CAMK2G: variants seen among roughly 807,000 people sequenced by gnomAD.
CAMK2G encodes the protein calcium/calmodulin dependent protein kinase II gamma.
A neutral mutation model predicts 88.7 loss-of-function variants in CAMK2G; 23 were observed. The observed-to-expected ratio is 0.26, with a 90% CI of 0.19 to 0.37. The LOEUF (loss-of-function observed/expected upper bound fraction) is 0.37. Ranked by LOEUF, CAMK2G falls within the 10% of genes least tolerant of loss-of-function variation. The pLI is 1.00. For missense variants in CAMK2G, 476 were observed against 780.8 expected (o/e 0.61, Z 4.65); for synonymous variants, 263 against 294.8 (o/e 0.89, Z 1.11).
chr10:73,824,043 G>A lies in CAMK2G; in HGVS notation c.1197C>T (p.Ile399=). Residue 399 remains isoleucine (I), a synonymous_variant, in exon 17 of 23, where the codon ATC becomes ATT. Coordinates refer to ENST00000423381, the MANE Select transcript of CAMK2G (RefSeq NM_001367534.1). ...TTVVHNATDG[I]KGSTESCNTT... ...GGCAGGCTCAGGAGCCACTCACCTT[G>A]ATCCCATCTGTAGCGTTGTGTACCA... 3.1e-6 allele frequency: 5 copies of A among 1,612,838 alleles called. No homozygotes were observed. The highest frequency in any genetic ancestry group is 3.4e-6 in the Non-Finnish European group (4 of 1,179,016).
At chr10:73,824,229 T>C in intron 16 of CAMK2G, 145 bp from the exon 17 acceptor site, 1 of 640,044 alleles carries the variant, frequency 1.6e-6, no homozygotes, top group Admixed American at 2.5e-5. Context: ...GAAGACAAAA[T>C]ATCCCGGCTC....
Position 73,839,404 on chromosome 10 carries a change from A to C in CAMK2G, c.1009+135T>G. On this transcript the variant is annotated intron_variant, in intron 13 of 22. Coordinates refer to ENST00000423381, the MANE Select transcript of CAMK2G (RefSeq NM_001367534.1). The surrounding 1 kb of genome is among the most constrained non-coding windows in gnomAD (Gnocchi z 4.2). Reference sequence around the variant, plus strand: ...TGCGCTTGCAGATGCCAAGTTAGGTAGTCTGTCTGGCATGCCCATCTCAGC... The same window carrying C: ...TGCGCTTGCAGATGCCAAGTTAGGTCGTCTGTCTGGCATGCCCATCTCAGC... The C allele has an allele frequency of 2.3e-6, 1 of 430,758 alleles. No homozygotes were observed. Among genetic ancestry groups the C allele is most frequent in the Admixed American group, 4.4e-5 (1 of 22,688 alleles). 26.7% of individuals were successfully genotyped at this position (430,758 alleles called of 1,614,324 possible). A position where few individuals can be genotyped will look rare whatever the true frequency, so the allele number is the denominator to read the frequency against.
At chr10:73,829,187 T>G (rs1470588065) in intron 14 of CAMK2G, among the ~76,000 whole-genome samples, 1 of 152,120 alleles carries the variant, frequency 6.6e-6, no homozygotes, top group Non-Finnish European at 1.5e-5. Context: ...CTACAAATAT[T>G]GACAATGGTC....
intron 2 of CAMK2G, among the ~76,000 whole-genome samples, chr10:73,871,755 T>C (rs1011899369): frequency 6.6e-6 from 1 of 151,932 alleles, no homozygotes; most frequent in Non-Finnish European, 1.5e-5. Context: ...CAGCAAGAGA[T>C]GGAGCTGGAT....
intron 18 of CAMK2G, 110 bp downstream of exon 18, chr10:73,821,572 A>G (rs1014122647): frequency 2.1e-5 from 17 of 813,750 alleles, no homozygotes; most frequent in Non-Finnish European, 3.4e-5. Flanking sequence ...TCCTAGGGGC[A>G]TAGGAGCCAG....
chr10:73,824,873 G>A (rs979733357), intron 16 of CAMK2G, among the ~76,000 whole-genome samples: 2 of 152,208 alleles, frequency 1.3e-5, no homozygotes, highest in African/African-American at 4.8e-5. Flanking sequence ...GCAAAGGAGA[G>A]GCTGAGGCAG....
chr10:73,823,714 T>G (rs2089950394), intron 17 of CAMK2G, among the ~76,000 whole-genome samples: 1 of 152,108 alleles, frequency 6.6e-6, no homozygotes, highest in Non-Finnish European at 1.5e-5. Flanking sequence ...CTGGAGATAC[T>G]CTTGCCTATT....
chr10:73,817,123 G>C lies in CAMK2G; in HGVS notation c.1440-6C>G, dbSNP rs1020750308. 3.1e-6 allele frequency: 5 copies of C among 1,589,364 alleles called. No homozygotes were observed. The highest frequency in any genetic ancestry group is 4.3e-6 in the Non-Finnish European group (5 of 1,172,306). On this transcript the variant is annotated splice_region_variant and splice_polypyrimidine_tract_variant and intron_variant, in intron 20 of 22. Transcript: ENST00000423381. ...GGCCTGGATCACAAATCTTCCTACA[G>C]GGAGAAAAAAAAAAGCAGCCTATCA...
rs899122942 is a variant in CAMK2G at position 73,829,852 on chromosome 10, C to T, written c.1054-1731G>A. 5.9e-5 allele frequency among the ~76,000 whole-genome samples: 9 copies of T among 152,112 alleles called. No individual in the cohort carries two copies. In the East Asian group the frequency reaches 1.2e-3, roughly 20 times the overall value. On this transcript the variant is annotated intron_variant, in intron 14 of 22. Coordinates refer to ENST00000423381, the MANE Select transcript of CAMK2G (RefSeq NM_001367534.1). ...ACATGCCTTATAGTTAGCATACAGG[C>T]GACGAAAGTTTGCTGAGTTGAGCTG...
chr10:73,829,278 ATTT>A (rs2091909339), intron 14 of CAMK2G, among the ~76,000 whole-genome samples: 1 of 148,556 alleles, frequency 6.7e-6, no homozygotes, highest in African/African-American at 2.5e-5. Context: ...TTATTTATTT[ATTT>A]ATTTATTTAT....
chr10:73,827,475 G>C (rs181954170), intron 15 of CAMK2G, among the ~76,000 whole-genome samples: 1 of 151,948 alleles, frequency 6.6e-6, no homozygotes, highest in African/African-American at 2.4e-5. Flanking sequence ...CATCGCGCCC[G>C]GCCCCCACCT....
At position 73,839,683 on chromosome 10, in the gene CAMK2G, G is replaced by T; in HGVS notation, c.947-82C>A. On this transcript the variant is annotated intron_variant, in intron 12 of 22. Coordinates refer to ENST00000423381, the MANE Select transcript of CAMK2G (RefSeq NM_001367534.1). This position sits in a 1 kb window ranked among gnomAD's most constrained non-coding sequence, Gnocchi z 4.2. ...CAGCGAGCATGCCCCAGCGCGAGGC[G>T]CAGCCCAGGCGGCGTGGCCAAGCCA... The T allele has an allele frequency of 1.1e-6, 1 of 910,096 alleles. No individual in the cohort carries two copies. Among genetic ancestry groups the T allele is most frequent in the Non-Finnish European group, 1.4e-6 (1 of 693,448 alleles). The allele number at this position is 910,096 out of a possible 1,614,324, so 56.4% of individuals were successfully genotyped here.
chr10:73,814,882 G>T, intron 22 of CAMK2G, 121 bp downstream of exon 22: 2 of 650,288 alleles, frequency 3.1e-6, no homozygotes, highest in Non-Finnish European at 2.6e-6. Context: ...GCCAGGCTTT[G>T]CCAGTCCTCT....
At chr10:73,831,762 A>C (rs1399373371) in intron 14 of CAMK2G, among the ~76,000 whole-genome samples, 1 of 151,592 alleles carries the variant, frequency 6.6e-6, no homozygotes, top group African/African-American at 2.4e-5. Context: ...CAGGAGGCTG[A>C]GGTGGAAGAA....
At chr10:73,819,226 T>C (rs572838832) in intron 19 of CAMK2G, among the ~76,000 whole-genome samples, 62 of 152,252 alleles carry the variant, frequency 4.1e-4, no homozygotes, top group African/African-American at 1.3e-3. Context: ...CTTCCGACTC[T>C]GCCCTTCTTC....
intron 15 of CAMK2G, among the ~76,000 whole-genome samples, chr10:73,826,153 G>C (rs1485002393): frequency 6.6e-6 from 1 of 152,136 alleles, no homozygotes; most frequent in Non-Finnish European, 1.5e-5. Flanking sequence ...ATGGTGGTGG[G>C]TGGGCACGGT....
intron 2 of CAMK2G, among the ~76,000 whole-genome samples, chr10:73,863,363 G>A (rs1011403221): frequency 4.3e-4 from 65 of 152,224 alleles, no homozygotes; most frequent in African/African-American, 1.5e-3. Context: ...CCAGAAGCGA[G>A]GCACTCAAGG....
chr10:73,855,233 C>A (rs567478728), intron 3 of CAMK2G, among the ~76,000 whole-genome samples: 48 of 152,306 alleles, frequency 3.2e-4, no homozygotes, highest in African/African-American at 1.1e-3. Context: ...CGGTGCCTCA[C>A]GCTGAGTCTT....
At chr10:73,819,700 G>A in intron 18 of CAMK2G, 55 bp from the exon 19 acceptor site, 1 of 1,149,010 alleles carries the variant, frequency 8.7e-7, no homozygotes, top group Non-Finnish European at 1.2e-6. Flanking sequence ...AAAACAAACA[G>A]AACAAGGCAG....
Sources: gnomAD v4.1 joint callset for allele counts (sites outside exome capture counted in the v4.1 genomes callset) on GRCh38, gnomAD v4.1.1 for gene constraint, Gnocchi (gnomAD v3.1) non-coding constraint, MANE v1.5 for transcripts, NCBI Gene and HGNC (gene_info 2026-07-23, HGNC 2026-07-21) for gene names.